The following EXOC1 variants were observed in gnomAD, a reference collection of about 807,000 sequenced individuals.
The protein encoded by EXOC1 is exocyst complex component 1.
EXOC1 carries 67 observed loss-of-function variants against 107.7 expected under a neutral mutation model. The observed-to-expected ratio is 0.62, with a 90% confidence interval of 0.51 to 0.76. The LOEUF (loss-of-function observed/expected upper bound fraction) is 0.76. EXOC1 is among the 30% of genes least tolerant of loss of function. EXOC1 has a pLI of 0.00. For synonymous variants in EXOC1, 348 were observed against 353.5 expected (o/e 0.98, Z 0.17); for missense variants, 833 against 1,055.7 (o/e 0.79, Z 2.92).
At chr4:55,889,389 T>C (rs2109448661) in intron 11 of EXOC1, among the ~76,000 whole-genome samples, 1 of 152,312 alleles carries the variant, frequency 6.6e-6, no homozygotes, top group Admixed American at 6.5e-5. Flanking sequence ...TAATTCTGAA[T>C]AAAAATATCA....
At chr4:55,871,984 A>C in intron 8 of EXOC1, 26 bp downstream of exon 8, 1 of 1,591,552 alleles carries the variant, frequency 6.3e-7, no homozygotes, top group African/African-American at 1.3e-5. Flanking sequence ...TATTAAAACG[A>C]GCATGTTCCT....
chr4:55,865,904 A>T (rs1461455358), intron 4 of EXOC1, among the ~76,000 whole-genome samples: 2 of 152,166 alleles, frequency 1.3e-5, no homozygotes, highest in African/African-American at 4.8e-5. Context: ...CATTAACCCT[A>T]ACTGAGATCG....
intron 2 of EXOC1, 148 bp from the exon 3 acceptor site, chr4:55,860,263 C>A: frequency 1.2e-6 from 1 of 819,500 alleles, no homozygotes; most frequent in Non-Finnish European, 1.8e-6. Context: ...GGATTCTGTG[C>A]TTTCCTCGGT....
intron 8 of EXOC1, 116 bp downstream of exon 8, chr4:55,872,074 A>G (rs1722492707): frequency 9.6e-6 from 9 of 940,152 alleles, no homozygotes; most frequent in Middle Eastern, 6.3e-4. Flanking sequence ...ATTCCTTCAC[A>G]TATTTGATTT....
chr4:55,860,084 G>A (rs955053350), intron 2 of EXOC1, among the ~76,000 whole-genome samples: 2 of 152,032 alleles, frequency 1.3e-5, no homozygotes, highest in African/African-American at 4.8e-5. Context: ...TCTTTGAAAT[G>A]GTATTTTGCT....
At chr4:55,876,313 G>T (rs1394826811) in intron 8 of EXOC1, 3 of 984,914 alleles carry the variant, frequency 3.0e-6, no homozygotes, top group African/African-American at 1.7e-5. Flanking sequence ...ATCCACATAG[G>T]TCTACGCTCC....
chr4:55,876,440 A>G (rs1722900914), intron 8 of EXOC1: 1 of 652,158 alleles, frequency 1.5e-6, no homozygotes, highest in African/African-American at 2.0e-5. Context: ...TTTTGCAACA[A>G]AAAATATGAA....
At position 55,868,331 on chromosome 4, in the gene EXOC1, T is replaced by C; in HGVS notation, c.416-5T>C. ...TATTTTACTTTGAATTTTTACCTCT[T>C]TAAGAATCTGTTCCAAGTGGAGAAA... On this transcript the variant is annotated splice_polypyrimidine_tract_variant and splice_region_variant and intron_variant, in intron 4 of 18. Transcript: ENST00000381295. 6.2e-7 allele frequency: 1 copy of C among 1,604,182 alleles called. No individual in the cohort carries two copies. Among genetic ancestry groups the C allele is most frequent in the Admixed American group, 1.7e-5 (1 of 58,880 alleles).
At position 55,899,891 on chromosome 4, in the gene EXOC1, A is replaced by G; in HGVS notation, c.2337+7A>G. 2 of 1,598,216 alleles carry G rather than the reference A, an allele frequency of 1.3e-6. No individual in the cohort carries two copies. The highest frequency in any genetic ancestry group is 1.7e-6 in the Non-Finnish European group (2 of 1,172,174). ...ACCTCTTGAAAAACTAAATGTAAAT[A>G]TATTTTCATTCAGTATTTTTCCTAC... On this transcript the variant is annotated splice_region_variant and intron_variant, in intron 17 of 18. Transcript: ENST00000381295.
At chr4:55,876,255 T>C (rs1722884967) in intron 8 of EXOC1, 1 of 985,326 alleles carries the variant, frequency 1.0e-6, no homozygotes, top group African/African-American at 1.7e-5. Flanking sequence ...ATTGATTCTT[T>C]TGGAAGATGT....
chr4:55,880,773 C>T (rs2110354365), intron 9 of EXOC1, among the ~76,000 whole-genome samples: 1 of 152,202 alleles, frequency 6.6e-6, no homozygotes, highest in Middle Eastern at 3.4e-3. Context: ...ATTCTCTGCT[C>T]AGAGTATATT....
At chr4:55,884,783 G>C (rs199923583) in intron 10 of EXOC1, among the ~76,000 whole-genome samples, 1 of 152,160 alleles carries the variant, frequency 6.6e-6, no homozygotes, top group South Asian at 2.1e-4. Context: ...TATGCCCTAA[G>C]CAACTTCAGT....
chr4:55,876,458 T>C (rs1194457830), intron 8 of EXOC1: 1 of 635,956 alleles, frequency 1.6e-6, no homozygotes, highest in African/African-American at 2.0e-5. Context: ...GAATAGTCAC[T>C]CTAAGCACTA....
At chr4:55,893,495 G>A (rs941695503) in intron 14 of EXOC1, 57 bp from the exon 15 acceptor site, 17 of 1,455,698 alleles carry the variant, frequency 1.2e-5, no homozygotes, top group Middle Eastern at 1.8e-4. Context: ...TAAAGTTAAC[G>A]GTGAATTCAC....
At chr4:55,890,112 T>C in intron 11 of EXOC1, 111 bp from the exon 12 acceptor site, 1 of 1,010,484 alleles carries the variant, frequency 9.9e-7, no homozygotes, top group Non-Finnish European at 1.5e-6. Context: ...CACTAACTAA[T>C]ATGAGCCCTG....
intron 8 of EXOC1, chr4:55,877,471 T>A (rs533645276): frequency 3.5e-5 from 34 of 985,194 alleles, no homozygotes; most frequent in African/African-American, 1.7e-4. Context: ...TACTTTTTTT[T>A]ATCTGTTGTT....
chr4:55,873,493 A>G (rs1271564361), intron 8 of EXOC1, among the ~76,000 whole-genome samples: 1 of 152,190 alleles, frequency 6.6e-6, no homozygotes, highest in African/African-American at 2.4e-5. Flanking sequence ...GTTAGATAGT[A>G]TTGAAAATAC....
At chr4:55,874,510 C>G (rs934405480) in intron 8 of EXOC1, among the ~76,000 whole-genome samples, 1 of 152,070 alleles carries the variant, frequency 6.6e-6, no homozygotes, top group African/African-American at 2.4e-5. Flanking sequence ...TTTCATTGTA[C>G]TTTTTCTTAT....
chr4:55,894,088 G>T (rs1283579926), intron 15 of EXOC1, among the ~76,000 whole-genome samples: 2 of 152,150 alleles, frequency 1.3e-5, no homozygotes, highest in South Asian at 4.1e-4. Context: ...ACTTTTTAAG[G>T]CCGAGGTGGG....
Sources: gnomAD v4.1 joint callset for allele counts (sites outside exome capture counted in the v4.1 genomes callset) on GRCh38, gnomAD v4.1.1 for gene constraint, MANE v1.5 for transcripts, NCBI Gene and HGNC (gene_info 2026-07-23, HGNC 2026-07-21) for gene names.